WASF3: variants seen among roughly 807,000 people sequenced by gnomAD.
WASF3 encodes actin-binding protein WASF3.
A neutral mutation model predicts 46.6 loss-of-function variants in WASF3; 11 were observed. That is an observed-to-expected ratio of 0.24 (90% CI 0.15 to 0.39). The LOEUF is 0.39. Among genes scored for constraint, WASF3 ranks in the 10% least tolerant of loss-of-function variants. WASF3 has a pLI of 1.00. For synonymous variants in WASF3, 242 were observed against 259.7 expected (o/e 0.93, Z 0.65); for missense variants, 576 against 669.8 (o/e 0.86, Z 1.55).
At chr13:26,641,972 T>C (rs986368058) in intron 2 of WASF3, 2 of 175,366 alleles carry the variant, frequency 1.1e-5, no homozygotes, top group Non-Finnish European at 2.4e-5. Flanking sequence ...TCTTGATACA[T>C]GTGGACTTTT....
chr13:26,564,940 A>G (rs1199396093), intron 1 of WASF3, among the ~76,000 whole-genome samples: 1 of 110,684 alleles, frequency 9.0e-6, no homozygotes, highest in African/African-American at 3.7e-5. Flanking sequence ...TTTGTTACAT[A>G]GTCCTGTGTT....
chr13:26,542,286 G>A, the WASF3 span, among the ~76,000 whole-genome samples: 1 of 152,162 alleles, frequency 6.6e-6, no homozygotes, highest in African/African-American at 2.4e-5. Flanking sequence ...TAAGATTGTA[G>A]GTTGTTTGAA....
rs187084294 is a variant in WASF3, at chr13:26,582,016, C to G, written c.-109+24197C>G. ...AGCTTCCTCTTTAGAAGTTCTTGAA[C>G]CAAATTTATGGTTCACTGTAAGCCA... On this transcript the variant is annotated intron_variant, in intron 1 of 9. Coordinates refer to ENST00000335327, the MANE Select transcript of WASF3 (RefSeq NM_006646.6). Among the ~76,000 whole-genome samples the G allele has an allele frequency of 7.2e-3, 1,094 of 152,254 alleles. 8 individuals carry two copies. Among genetic ancestry groups the G allele is most frequent in the South Asian group, 0.022 (105 of 4,832 alleles).
At chr13:26,558,013 C>T (rs951669245) in intron 1 of WASF3, among the ~76,000 whole-genome samples, 194 bp downstream of exon 1, 4 of 150,906 alleles carry the variant, frequency 2.7e-5, no homozygotes, top group Non-Finnish European at 4.4e-5. Context: ...TGCAGCCCGG[C>T]CGCATTCTCC....
the WASF3 span, among the ~76,000 whole-genome samples, chr13:26,539,441 T>C: frequency 6.6e-6 from 1 of 152,158 alleles, no homozygotes; most frequent in African/African-American, 2.4e-5. Context: ...AAAGAATTAG[T>C]ATGCTACTCC....
upstream of WASF3, among the ~76,000 whole-genome samples, chr13:26,554,092 C>CTTTTTCTTTCT: frequency 4.3e-5 from 1 of 23,278 alleles, no homozygotes; most frequent in East Asian, 1.8e-3. Context: ...TCCTTCCTTC[C>CTTTTTCTTTCT]TTCCTTCTTT....
intron 2 of WASF3, among the ~76,000 whole-genome samples, chr13:26,615,695 T>A (rs1954979102): frequency 6.6e-6 from 1 of 152,238 alleles, no homozygotes; most frequent in African/African-American, 2.4e-5. Context: ...GATAAGTTAT[T>A]TGAAATATGT....
chr13:26,651,152 A>C (rs7334795), intron 3 of WASF3, among the ~76,000 whole-genome samples: 78,384 of 151,800 alleles, frequency 0.52, 20,619 homozygotes, highest in Non-Finnish European at 0.57. Context: ...TGAAACCCCA[A>C]CTCTACTAAA....
intron 1 of WASF3, among the ~76,000 whole-genome samples, chr13:26,595,035 T>C (rs1263246248): frequency 6.6e-6 from 1 of 152,240 alleles, no homozygotes; most frequent in Non-Finnish European, 1.5e-5. Flanking sequence ...TCAATGTCAT[T>C]TGTTGCTAAT....
chr13:26,673,380 T>C (rs1159704919), intron 6 of WASF3, among the ~76,000 whole-genome samples: 1 of 152,224 alleles, frequency 6.6e-6, no homozygotes, highest in African/African-American at 2.4e-5. Context: ...CATTCACTTA[T>C]ATAATGACTT....
At chr13:26,579,634 A>G (rs1879918002) in intron 1 of WASF3, among the ~76,000 whole-genome samples, 1 of 152,150 alleles carries the variant, frequency 6.6e-6, no homozygotes, top group South Asian at 2.1e-4. Flanking sequence ...CCTGAAAGAG[A>G]AAAAATAAAC....
intron 3 of WASF3, among the ~76,000 whole-genome samples, chr13:26,651,159 T>A (rs1365939063): frequency 6.6e-6 from 1 of 152,170 alleles, no homozygotes; most frequent in African/African-American, 2.4e-5. Context: ...CCAACTCTAC[T>A]AAAAATACAA....
At chr13:26,547,749 G>A in the WASF3 span, among the ~76,000 whole-genome samples, 58,929 of 151,976 alleles carry the variant, frequency 0.39, 11,647 homozygotes, top group South Asian at 0.48. Context: ...CCACTGAATC[G>A]CAAGTTCCTT....
rs191900611 is a variant in WASF3 at position 26,670,625 on chromosome 13, T to G, written c.423-1247T>G. On this transcript the variant is annotated intron_variant, in intron 5 of 9. Coordinates refer to ENST00000335327, the MANE Select transcript of WASF3 (RefSeq NM_006646.6). The stretch of plus-strand genomic sequence containing the variant: ...AATGTACCTCTTATATGTCTTAAAT[T>G]TTGCAGCTTTTTCTAGACCTCTACC... Among the ~76,000 whole-genome samples, 79 of 152,302 alleles carry G rather than the reference T, an allele frequency of 5.2e-4. 1 individual carries two copies. The highest frequency in any genetic ancestry group is 1.9e-3 in the African/African-American group (78 of 41,562).
rs1014558452 is a variant in WASF3, at chr13:26,682,380, C to T, written c.984-227C>T. 2.0e-5 allele frequency among the ~76,000 whole-genome samples: 3 copies of T among 152,198 alleles called. No individual in the cohort carries two copies. Among genetic ancestry groups the T allele is most frequent in the African/African-American group, 7.2e-5 (3 of 41,450 alleles). Reference sequence around the variant, plus strand: ...GAAGTGCTGCACTTTTTGAGTGGTCCTCCTTTTGGCACATTTCAGTAGCAG... The same window carrying T: ...GAAGTGCTGCACTTTTTGAGTGGTCTTCCTTTTGGCACATTTCAGTAGCAG... On this transcript the variant is annotated intron_variant, in intron 8 of 9. Transcript: ENST00000335327. The surrounding 1 kb of genome is among the most constrained non-coding windows in gnomAD (Gnocchi z 4.4).
At chr13:26,656,222 T>G (rs1256706193) in intron 3 of WASF3, among the ~76,000 whole-genome samples, 1 of 152,244 alleles carries the variant, frequency 6.6e-6, no homozygotes, top group Non-Finnish European at 1.5e-5. Flanking sequence ...ACATTAGTGA[T>G]TTTCTTTATA....
At chr13:26,543,102 T>A in the WASF3 span, among the ~76,000 whole-genome samples, 4 of 152,136 alleles carry the variant, frequency 2.6e-5, no homozygotes, top group African/African-American at 4.8e-5. Context: ...CCCTGCTTCT[T>A]TAAGGCATTT....
chr13:26,558,592 T>C (rs1443334188), intron 1 of WASF3, among the ~76,000 whole-genome samples: 1 of 152,272 alleles, frequency 6.6e-6, no homozygotes, highest in South Asian at 2.1e-4. Context: ...TGGCGATTGC[T>C]TCTTGATTTG....
chr13:26,627,087 A>G (rs1881489172), intron 2 of WASF3, among the ~76,000 whole-genome samples: 1 of 152,168 alleles, frequency 6.6e-6, no homozygotes, highest in Non-Finnish European at 1.5e-5. Context: ...TTGGAAGAGT[A>G]CCAATTGGAG....
Sources: allele counts gnomAD v4.1 joint callset (sites outside exome capture counted in the v4.1 genomes callset), GRCh38; gene constraint gnomAD v4.1.1; non-coding constraint Gnocchi (gnomAD v3.1); transcripts MANE v1.5; gene names NCBI Gene and HGNC (gene_info 2026-07-23, HGNC 2026-07-21).